The following CSNK1G1 variants were observed in gnomAD, a reference collection of about 807,000 sequenced individuals.
CSNK1G1 encodes casein kinase 1 gamma 1, also known as casein kinase I isoform gamma-1.
CSNK1G1 carries 22 observed loss-of-function variants against 59.6 expected under a neutral mutation model. The observed-to-expected ratio is 0.37, with a 90% CI of 0.26 to 0.53. CSNK1G1 has a LOEUF of 0.53. Among genes scored for constraint, CSNK1G1 ranks in the 20% least tolerant of loss-of-function variants. The pLI, the probability that CSNK1G1 is intolerant of heterozygous loss-of-function variation, is 0.89. For synonymous variants in CSNK1G1, 179 were observed against 177.1 expected, an observed-to-expected ratio of 1.01 and a Z score of -0.08; for missense variants, 384 against 519.5, an observed-to-expected ratio of 0.74 and a Z score of 2.54.
chr15:64,209,914 G>C (rs1025092513), intron 6 of CSNK1G1, among the ~76,000 whole-genome samples: 16 of 152,112 alleles, frequency 1.1e-4, no homozygotes, highest in Admixed American at 5.9e-4. Flanking sequence ...TTGAGCACTA[G>C]AGGGCGAAAA....
Position 64,216,545 on chromosome 15 carries a change from G to A in CSNK1G1, c.444+17C>T, listed in dbSNP as rs1567378348. 1.9e-6 allele frequency: 3 copies of A among 1,612,916 alleles called. No homozygotes were observed. Among genetic ancestry groups the A allele is most frequent in the Non-Finnish European group, 2.5e-6 (3 of 1,179,160 alleles). ...GGAACCAGCTTATTCTCTTCTAGAA[G>A]AGCAATTCCAACTTACCAGCTGGAT... On this transcript the variant is annotated intron_variant, in intron 5 of 11. Transcript: ENST00000303052. The surrounding 1 kb of genome is among the most constrained non-coding windows in gnomAD (Gnocchi z 4.6).
intron 1 of CSNK1G1, among the ~76,000 whole-genome samples, chr15:64,347,984 G>A (rs1378080631): frequency 6.8e-6 from 1 of 146,866 alleles, no homozygotes; most frequent in Non-Finnish European, 1.5e-5. Context: ...CCAGCCTGGC[G>A]ACAGAGCACA....
intron 1 of CSNK1G1, among the ~76,000 whole-genome samples, chr15:64,350,055 G>A (rs1290532462): frequency 1.3e-5 from 2 of 152,144 alleles, no homozygotes; most frequent in Non-Finnish European, 2.9e-5. Context: ...ATTTAAGTAA[G>A]CTTGTTTTAA....
intron 1 of CSNK1G1, among the ~76,000 whole-genome samples, chr15:64,316,636 G>A (rs1436498675): frequency 6.6e-6 from 1 of 151,502 alleles, no homozygotes; most frequent in Admixed American, 6.6e-5. Context: ...CCCAATTTCT[G>A]CCTCCAAAGA....
chr15:64,179,658 T>A (rs957230498), intron 11 of CSNK1G1, among the ~76,000 whole-genome samples: 1 of 152,192 alleles, frequency 6.6e-6, no homozygotes, highest in East Asian at 1.9e-4. Context: ...TGCAGCAGAA[T>A]TGGCAGTTAT....
intron 1 of CSNK1G1, among the ~76,000 whole-genome samples, chr15:64,323,814 G>C (rs914229219): frequency 2.0e-5 from 3 of 152,094 alleles, no homozygotes; most frequent in African/African-American, 7.2e-5. Flanking sequence ...AGGAATACTA[G>C]TGTTCTTAAA....
rs375871609 is a variant in CSNK1G1 at position 64,195,918 on chromosome 15, G to A, written c.1107+7164C>T. Among the ~76,000 whole-genome samples, 99 of 152,222 alleles carry A rather than the reference G, an allele frequency of 6.5e-4. No homozygotes were observed. The South Asian group carries it at 0.02, about 31-fold the overall frequency. On this transcript the variant is annotated intron_variant, in intron 10 of 11. Coordinates refer to ENST00000303052, the MANE Select transcript of CSNK1G1 (RefSeq NM_022048.5). Reference sequence around the variant, plus strand: ...AGTTTAATTATAGTTCTCTAGTTAGGTAAAATTTATGTTCAAAAAAATTGT... The same window carrying A: ...AGTTTAATTATAGTTCTCTAGTTAGATAAAATTTATGTTCAAAAAAATTGT...
chr15:64,189,367 G>C (rs1292681851), intron 10 of CSNK1G1: 14 of 1,256,348 alleles, frequency 1.1e-5, no homozygotes, highest in African/African-American at 1.5e-5. Context: ...CTACTATTCT[G>C]ATCTTGCTCA....
At chr15:64,353,884 C>T (rs930249223) in intron 1 of CSNK1G1, among the ~76,000 whole-genome samples, 40 of 152,174 alleles carry the variant, frequency 2.6e-4, no homozygotes, top group African/African-American at 4.8e-4. Context: ...ATTTCTATAT[C>T]GTAATAAGGA....
intron 1 of CSNK1G1, among the ~76,000 whole-genome samples, chr15:64,305,042 T>C (rs1387388259): frequency 6.6e-6 from 1 of 152,154 alleles, no homozygotes; most frequent in Non-Finnish European, 1.5e-5. Flanking sequence ...AAACCAAAAA[T>C]CTTTCTCCTT....
At chr15:64,312,187 T>C (rs767940155) in intron 1 of CSNK1G1, among the ~76,000 whole-genome samples, 41 of 152,186 alleles carry the variant, frequency 2.7e-4, no homozygotes, top group Non-Finnish European at 2.6e-4. Context: ...CCCAAAGTAA[T>C]TTATGGATTC....
rs1044629774 is a variant in CSNK1G1, at chr15:64,170,870, A to G, written c.*1061T>C. 3 of 152,482 alleles carry G rather than the reference A, an allele frequency of 2.0e-5. No individual in the cohort carries two copies. Among genetic ancestry groups the G allele is most frequent in the African/African-American group, 7.3e-5 (3 of 41,376 alleles). The allele number at this position is 152,482 out of a possible 1,614,324, so 9.4% of individuals were successfully genotyped here. ...CATGTTCTGGAGAGCTAGGTTTTCA[A>G]ACTGTAAGCTGATTAGGTCAAGATG... is the stretch of plus-strand genomic sequence containing the variant. On this transcript the variant is annotated 3_prime_UTR_variant, in exon 12 of 12. Coordinates refer to ENST00000303052, the MANE Select transcript of CSNK1G1 (RefSeq NM_022048.5).
chr15:64,183,416 A>G (rs903252635), intron 10 of CSNK1G1, among the ~76,000 whole-genome samples: 12 of 152,356 alleles, frequency 7.9e-5, no homozygotes, highest in African/African-American at 2.9e-4. Context: ...TAAAGGCTAC[A>G]CATCTGGGCC....
chr15:64,229,928 T>A (rs1233868095), intron 4 of CSNK1G1, among the ~76,000 whole-genome samples: 3 of 111,494 alleles, frequency 2.7e-5, no homozygotes, highest in African/African-American at 9.7e-5. Flanking sequence ...TTTTTTTTTT[T>A]TTTTTTTTTT....
intron 11 of CSNK1G1, among the ~76,000 whole-genome samples, chr15:64,175,364 T>G (rs77142025): frequency 3.3e-5 from 5 of 151,982 alleles, no homozygotes; most frequent in Non-Finnish European, 7.4e-5. Context: ...GTTACCTCCA[T>G]ATAGAGCATG....
intron 1 of CSNK1G1, among the ~76,000 whole-genome samples, chr15:64,351,465 G>A (rs1898281286): frequency 1.3e-5 from 2 of 152,168 alleles, no homozygotes; most frequent in African/African-American, 4.8e-5. Context: ...CCTTGGAACG[G>A]CCACAGACTT....
chr15:64,187,534 T>TA (rs2081913841), intron 10 of CSNK1G1, among the ~76,000 whole-genome samples: 1 of 152,172 alleles, frequency 6.6e-6, no homozygotes, highest in Non-Finnish European at 1.5e-5. Context: ...CTATGTGGTT[T>TA]TCTATAGGGC....
At chr15:64,185,579 C>G (rs1224787509) in intron 10 of CSNK1G1, among the ~76,000 whole-genome samples, 1 of 151,932 alleles carries the variant, frequency 6.6e-6, no homozygotes, top group African/African-American at 2.4e-5. Flanking sequence ...GGACACTTTA[C>G]GAGGCCAGGC....
chr15:64,188,636 A>G lies in CSNK1G1; in HGVS notation c.1108-8182T>C, dbSNP rs2081929419. Reference sequence around the variant, plus strand: ...AACAACCACTGGAAAGCAGTGAGGAAAAGTAAGCTTGTCTACATTCATTTT... The same window carrying G: ...AACAACCACTGGAAAGCAGTGAGGAGAAGTAAGCTTGTCTACATTCATTTT... On this transcript the variant is annotated intron_variant, in intron 10 of 11. Transcript: ENST00000303052. The surrounding 1 kb of genome is among the most constrained non-coding windows in gnomAD (Gnocchi z 4.2). Among the ~76,000 whole-genome samples the G allele has an allele frequency of 6.6e-6, 1 of 152,222 alleles. No individual in the cohort carries two copies. Among genetic ancestry groups the G allele is most frequent in the African/African-American group, 2.4e-5 (1 of 41,462 alleles).
Sources: allele counts gnomAD v4.1 joint callset (sites outside exome capture counted in the v4.1 genomes callset), GRCh38; gene constraint gnomAD v4.1.1; non-coding constraint Gnocchi (gnomAD v3.1); transcripts MANE v1.5; gene names NCBI Gene and HGNC (gene_info 2026-07-23, HGNC 2026-07-21).